AARS1: variants seen among roughly 807,000 people sequenced by gnomAD.
AARS1 encodes the protein alanyl-tRNA synthetase 1.
A neutral mutation model predicts 108.9 loss-of-function variants in AARS1; 72 were observed. The ratio of observed to expected loss-of-function variants is 0.66; its 90% confidence interval spans 0.55 to 0.80. AARS1 has a LOEUF of 0.80. Ranked by LOEUF, AARS1 falls within the 30% of genes least tolerant of loss-of-function variation. AARS1 has a pLI of 0.00. For synonymous variants in AARS1, 489 were observed against 465.7 expected (o/e 1.05, Z -0.64); for missense variants, 1,193 against 1,233.2 (o/e 0.97, Z 0.49).
intron 9 of AARS1, 62 bp from the exon 10 acceptor site, chr16:70,265,724 T>C (rs1960245997): frequency 2.5e-6 from 4 of 1,602,578 alleles, no homozygotes; most frequent in Non-Finnish European, 3.4e-6. Context: ...TGCCAAGCCC[T>C]CCAAAAGGAT....
At chr16:70,255,689 C>G in intron 16 of AARS1, 39 bp downstream of exon 16, 1 of 1,582,190 alleles carries the variant, frequency 6.3e-7, no homozygotes, top group South Asian at 1.1e-5. Flanking sequence ...CTCCTCTTGC[C>G]TTCTTCAGAT....
chr16:70,263,276 G>T (rs1960187654), intron 11 of AARS1, among the ~76,000 whole-genome samples: 1 of 151,942 alleles, frequency 6.6e-6, no homozygotes, highest in Non-Finnish European at 1.5e-5. Context: ...AGATTTAGGT[G>T]TAAGATTGTT....
At chr16:70,254,794 T>A in intron 16 of AARS1, 60 bp from the exon 17 acceptor site, 1 of 1,175,862 alleles carries the variant, frequency 8.5e-7, no homozygotes, top group Non-Finnish European at 1.3e-6. Flanking sequence ...CACTATCCTG[T>A]GTCTGAGCAG....
chr16:70,283,087 C>T (rs1471469059), intron 1 of AARS1, among the ~76,000 whole-genome samples: 6 of 151,998 alleles, frequency 3.9e-5, no homozygotes, highest in African/African-American at 9.7e-5. Flanking sequence ...GTGTCAGGCC[C>T]GAGACTAGGA....
At chr16:70,276,357 T>C (rs1960550361) in intron 4 of AARS1, 129 bp downstream of exon 4, 4 of 1,058,768 alleles carry the variant, frequency 3.8e-6, no homozygotes, top group Non-Finnish European at 4.3e-6. Flanking sequence ...GCCTCACTCC[T>C]CCCCATGTGC....
intron 2 of AARS1, among the ~76,000 whole-genome samples, chr16:70,280,679 C>G (rs1272987027): frequency 6.6e-6 from 1 of 152,134 alleles, no homozygotes; most frequent in Non-Finnish European, 1.5e-5. Flanking sequence ...AACCTGAACC[C>G]CCTTCAGCCA....
chr16:70,266,183 G>A (rs1028773366), intron 9 of AARS1, among the ~76,000 whole-genome samples: 9 of 152,050 alleles, frequency 5.9e-5, no homozygotes, highest in Non-Finnish European at 2.9e-5. Flanking sequence ...GCATGGTGGC[G>A]GGCGCCTGTA....
chr16:70,270,467 G>C, intron 5 of AARS1, 127 bp from the exon 6 acceptor site: 1 of 1,146,864 alleles, frequency 8.7e-7, no homozygotes, highest in East Asian at 2.4e-5. Context: ...TGCCCGGTTT[G>C]GTGGGAAGAG....
Position 70,282,602 on chromosome 16 carries a change from A to G in AARS1, c.144+18T>C. ...TCTTATGTGAACCAAAAGCCAAGAA[A>G]AAAGGAAAAACCCTTACCTGGTTCA... On this transcript the variant is annotated intron_variant, in intron 2 of 20. Transcript: ENST00000261772. 1 of 1,614,064 alleles carries G rather than the reference A, an allele frequency of 6.2e-7. No homozygotes were observed. Among genetic ancestry groups the G allele is most frequent in the Non-Finnish European group, 8.5e-7 (1 of 1,180,022 alleles).
At chr16:70,282,864 C>G in intron 1 of AARS1, 80 bp from the exon 2 acceptor site, 1 of 1,402,236 alleles carries the variant, frequency 7.1e-7, no homozygotes, top group Non-Finnish European at 1.0e-6. Context: ...TCTGGCTTCT[C>G]AAGCCAAGTC....
chr16:70,255,160 A>G (rs74024182), intron 16 of AARS1, among the ~76,000 whole-genome samples: 9,815 of 148,038 alleles, frequency 0.066, 1,088 homozygotes, highest in African/African-American at 0.23. Flanking sequence ...CCTCCTCCAC[A>G]TGGAGACAGG....
intron 1 of AARS1, among the ~76,000 whole-genome samples, chr16:70,286,559 C>T (rs1179031978): frequency 1.3e-5 from 2 of 152,056 alleles, no homozygotes; most frequent in African/African-American, 4.8e-5. Context: ...TTTTTGAGGC[C>T]GGGTAGGGTG....
chr16:70,283,334 T>A (rs1232890870), intron 1 of AARS1, among the ~76,000 whole-genome samples: 1 of 150,230 alleles, frequency 6.7e-6, no homozygotes, highest in Non-Finnish European at 1.5e-5. Flanking sequence ...GAGGTGGAGG[T>A]TGCAGTGAGC....
In AARS1 at chr16:70,270,252, T is replaced by G. The variant is rs770790585; in HGVS notation, c.760A>C (p.Lys254Gln). ...AGGTCAGTGTCATAGTTGGACATCT[T>G]ATTCTGCAGCACAGATACCAGTCGT... is the stretch of plus-strand genomic sequence containing the variant. ...LERLVSVLQN[K>Q]MSNYDTDLFV... Residue 254 changes from lysine to glutamine, a missense_variant, in exon 6 of 21, where the codon AAG becomes CAG. Physicochemically the swap from Lys to Gln is moderately conservative, Grantham distance 53 (BLOSUM62 1). Coordinates refer to ENST00000261772, the MANE Select transcript of AARS1 (RefSeq NM_001605.3). 17 of 1,614,066 alleles carry G rather than the reference T, an allele frequency of 1.1e-5. No homozygotes were observed. Among genetic ancestry groups the G allele is most frequent in the Non-Finnish European group, 8.5e-7 (1 of 1,180,028 alleles).
intron 6 of AARS1, 130 bp from the exon 7 acceptor site, chr16:70,269,893 C>A: frequency 7.9e-7 from 1 of 1,263,898 alleles, no homozygotes; most frequent in East Asian, 2.3e-5. Flanking sequence ...CCTATAACCC[C>A]AAGAACGTGA....
Position 70,262,967 on chromosome 16 carries a change from C to CAAAAAAAAAAAAAAAAA in AARS1, c.1493-460_1493-444dup. 1.0e-3 allele frequency among the ~76,000 whole-genome samples: 21 copies of CAAAAAAAAAAAAAAAAA among 20,596 alleles called. 3 individuals are homozygous for CAAAAAAAAAAAAAAAAA. The highest frequency in any genetic ancestry group is 1.6e-3 in the Non-Finnish European group (17 of 10,936). 13.5% of individuals were successfully genotyped at this position (20,596 alleles called of 152,430 possible). A position where few individuals can be genotyped will look rare whatever the true frequency, so the allele number is the denominator to read the frequency against. On this transcript the variant is annotated intron_variant, in intron 11 of 20. Coordinates refer to ENST00000261772, the MANE Select transcript of AARS1 (RefSeq NM_001605.3). ...TGGGTGACAAAGCAAGACTCGGTCT[C>CAAAAAAAAAAAAAAAAA]AAAAAAAAAAAAAAAAAAAAAAAAA...
rs1188388841 is a variant in AARS1 at position 70,259,117 on chromosome 16, G to C, written c.1855C>G (p.Leu619Val). 1 of 1,614,180 alleles carries C rather than the reference G, an allele frequency of 6.2e-7. No individual in the cohort carries two copies. The highest frequency in any genetic ancestry group is 8.5e-7 in the Non-Finnish European group (1 of 1,180,032). Residue 619 changes from leucine (L) to valine (V), a missense_variant, in exon 14 of 21, where the codon CTT (leucine) becomes GTT (valine). Coordinates refer to ENST00000261772, the MANE Select transcript of AARS1 (RefSeq NM_001605.3). ...HILNFALRSVLGEADQKGSLV... is the reference protein window; with the variant it reads ...HILNFALRSVVGEADQKGSLV... ...GAGCCTTTCTGGTCAGCTTCCCCAA[G>C]CACTGAGCGCAGGGCGAAGTTCAGA...
In AARS1 at chr16:70,255,852, CA is replaced by C. The variant is rs1249708049; in HGVS notation, c.2178-17del. ...CCGCAGGTGCCTGAATGGCAGAACA[CA>C]AAGTCCATAGTGAAAGAGGCCCTGG... On this transcript the variant is annotated splice_polypyrimidine_tract_variant and intron_variant, in intron 15 of 20. Coordinates refer to ENST00000261772, the MANE Select transcript of AARS1 (RefSeq NM_001605.3). 8 of 1,608,534 alleles carry C rather than the reference CA, an allele frequency of 5.0e-6. No homozygotes were observed. Among genetic ancestry groups the C allele is most frequent in the African/African-American group, 1.3e-5 (1 of 74,760 alleles).
chr16:70,262,133 A>G (rs887400342), intron 12 of AARS1, among the ~76,000 whole-genome samples: 3 of 152,124 alleles, frequency 2.0e-5, no homozygotes, highest in African/African-American at 7.2e-5. Context: ...GGAAACTTGT[A>G]CCCTGGCTGC....
Sources: allele counts gnomAD v4.1 joint callset (sites outside exome capture counted in the v4.1 genomes callset), GRCh38; gene constraint gnomAD v4.1.1; transcripts MANE v1.5; gene names NCBI Gene and HGNC (gene_info 2026-07-23, HGNC 2026-07-21).